The following ME1 variants were observed in gnomAD, a reference collection of about 807,000 sequenced individuals.
ME1 encodes NADP-dependent malic enzyme.
Under a neutral mutation model 66.4 loss-of-function variants are expected in ME1, and 74 were observed. The ratio of observed to expected loss-of-function variants is 1.11; its 90% CI spans 0.92 to 1.35. The LOEUF is 1.35. ME1 is among the 40% of genes most tolerant of loss of function. The pLI is 0.00. For synonymous variants in ME1, 251 were observed against 235.6 expected (o/e 1.07, Z -0.60); for missense variants, 750 against 694.1 (o/e 1.08, Z -0.90).
At chr6:83,363,536 T>C (rs1769044783) in intron 3 of ME1, among the ~76,000 whole-genome samples, 1 of 152,196 alleles carries the variant, frequency 6.6e-6, no homozygotes, top group Non-Finnish European at 1.5e-5. Context: ...ACACATGACC[T>C]AGACCCTTCA....
At chr6:83,246,864 A>ACC (rs1790633648) in intron 7 of ME1, among the ~76,000 whole-genome samples, 1 of 152,138 alleles carries the variant, frequency 6.6e-6, no homozygotes, top group African/African-American at 2.4e-5. Context: ...AGCATCATTA[A>ACC]CAGTTGGGTT....
intron 6 of ME1, among the ~76,000 whole-genome samples, chr6:83,314,351 T>A (rs902088754): frequency 1.3e-5 from 2 of 152,192 alleles, no homozygotes; most frequent in Non-Finnish European, 2.9e-5. Flanking sequence ...CTGAACACAT[T>A]ATTTTTTTCA....
chr6:83,252,982 T>C (rs1278916649), intron 7 of ME1, among the ~76,000 whole-genome samples: 1 of 152,156 alleles, frequency 6.6e-6, no homozygotes, highest in Non-Finnish European at 1.5e-5. Context: ...ATGGAAGCCA[T>C]TTGCAATCTC....
At chr6:83,287,908 T>A (rs900221068) in intron 6 of ME1, among the ~76,000 whole-genome samples, 1 of 152,220 alleles carries the variant, frequency 6.6e-6, no homozygotes, top group Non-Finnish European at 1.5e-5. Flanking sequence ...TGACCAGTTA[T>A]AATGAGCATT....
At chr6:83,313,633 T>C (rs539569636) in intron 6 of ME1, among the ~76,000 whole-genome samples, 5 of 152,294 alleles carry the variant, frequency 3.3e-5, no homozygotes, top group African/African-American at 1.2e-4. Flanking sequence ...CCTTACGGTA[T>C]TATCTATACA....
intron 7 of ME1, 128 bp downstream of exon 7, chr6:83,253,501 C>G: frequency 4.0e-6 from 2 of 501,458 alleles, no homozygotes. Context: ...TAGTATGTGA[C>G]ATCAGCAAGC....
chr6:83,315,218 TTATTAAACCA>T (rs1768007104), intron 6 of ME1, 82 bp downstream of exon 6: 4 of 735,208 alleles, frequency 5.4e-6, no homozygotes, highest in Non-Finnish European at 9.3e-6. Flanking sequence ...TTACTTCTAA[TTATTAAACCA>T]TATTGCATAA....
At chr6:83,212,462 A>C (rs1054016217) in intron 13 of ME1, among the ~76,000 whole-genome samples, 2 of 152,210 alleles carry the variant, frequency 1.3e-5, no homozygotes, top group Non-Finnish European at 2.9e-5. Context: ...TGAATTTTCA[A>C]GAATCCCTAT....
At chr6:83,288,114 C>G (rs1767430495) in intron 6 of ME1, among the ~76,000 whole-genome samples, 2 of 152,086 alleles carry the variant, frequency 1.3e-5, no homozygotes. Flanking sequence ...TGCCTGTTCA[C>G]TCTGATAATA....
At chr6:83,305,396 G>T (rs1261061822) in intron 6 of ME1, among the ~76,000 whole-genome samples, 1 of 152,144 alleles carries the variant, frequency 6.6e-6, no homozygotes, top group Non-Finnish European at 1.5e-5. Flanking sequence ...CCAGGGTGGG[G>T]AGAAGATGGG....
At chr6:83,282,948 G>A (rs895842048) in intron 6 of ME1, among the ~76,000 whole-genome samples, 1 of 151,614 alleles carries the variant, frequency 6.6e-6, no homozygotes, top group Non-Finnish European at 1.5e-5. Context: ...GATGAGTTCG[G>A]CCGGGCGCGG....
chr6:83,303,270 T>G (rs913831391), intron 6 of ME1, among the ~76,000 whole-genome samples: 7 of 152,186 alleles, frequency 4.6e-5, no homozygotes, highest in African/African-American at 1.7e-4. Context: ...ATCTTATTCT[T>G]TGCGAAGTTA....
chr6:83,365,977 G>C (rs1381589734), intron 3 of ME1, among the ~76,000 whole-genome samples: 2 of 152,014 alleles, frequency 1.3e-5, no homozygotes, highest in African/African-American at 4.8e-5. Context: ...CATTCTCCAG[G>C]CTCCAATGTT....
intron 3 of ME1, among the ~76,000 whole-genome samples, chr6:83,361,880 A>G (rs892622587): frequency 1.3e-5 from 2 of 152,152 alleles, no homozygotes; most frequent in African/African-American, 4.8e-5. Context: ...CTGAAGGCAC[A>G]AGTAAGTTAC....
intron 6 of ME1, among the ~76,000 whole-genome samples, chr6:83,284,262 AT>A (rs1464726957): frequency 2.0e-5 from 3 of 152,084 alleles, no homozygotes; most frequent in Non-Finnish European, 4.4e-5. Flanking sequence ...AACCAAAAAA[AT>A]CCCCCAAAAA....
rs371542161 is a variant in ME1 at position 83,312,542 on chromosome 6, G to A, written c.704+2768C>T. ...ATGGCAAATAAAAAAAACCAACATA[G>A]CATTGATGGAGAAAGAGGGGGAGGT... On this transcript the variant is annotated intron_variant, in intron 6 of 13. Transcript: ENST00000369705. Among the ~76,000 whole-genome samples, 15 of 152,148 alleles carry A rather than the reference G, an allele frequency of 9.9e-5. 1 individual carries two copies. Among genetic ancestry groups the A allele is most frequent in the East Asian group, 5.8e-4 (3 of 5,190 alleles).
At chr6:83,312,145 G>A (rs1189143186) in intron 6 of ME1, among the ~76,000 whole-genome samples, 1 of 152,172 alleles carries the variant, frequency 6.6e-6, no homozygotes, top group Non-Finnish European at 1.5e-5. Context: ...GGGAACTACA[G>A]CCCTTTACCC....
intron 3 of ME1, among the ~76,000 whole-genome samples, chr6:83,363,229 G>A (rs985718798): frequency 3.3e-5 from 5 of 152,124 alleles, no homozygotes; most frequent in Non-Finnish European, 7.3e-5. Context: ...AGTTCCAGAG[G>A]GAGGAACGCT....
chr6:83,334,222 C>T (rs1369344919), intron 5 of ME1, among the ~76,000 whole-genome samples: 5 of 148,388 alleles, frequency 3.4e-5, no homozygotes, highest in Admixed American at 6.8e-5. Context: ...CCTGGAAAAT[C>T]GGGTCACTCC....
Sources: allele counts gnomAD v4.1 joint callset (sites outside exome capture counted in the v4.1 genomes callset), GRCh38; gene constraint gnomAD v4.1.1; transcripts MANE v1.5; gene names NCBI Gene and HGNC (gene_info 2026-07-23, HGNC 2026-07-21).